The following CALCRL variants were observed in gnomAD, a reference collection of about 807,000 sequenced individuals.
The protein encoded by CALCRL is calcitonin receptor like receptor.
Under a neutral mutation model 60.4 loss-of-function variants are expected in CALCRL, and 27 were observed. The observed-to-expected ratio is 0.45, with a 90% CI of 0.33 to 0.62. The LOEUF (loss-of-function observed/expected upper bound fraction) is 0.62, where lower values mean the gene tolerates loss of function less well. CALCRL is among the 20% of genes least tolerant of loss of function. The pLI, the probability that CALCRL is intolerant of heterozygous loss-of-function variation, is 0.03. For synonymous variants in CALCRL, 190 were observed against 182.6 expected (o/e 1.04, Z -0.33); for missense variants, 424 against 540.7 (o/e 0.78, Z 2.14).
chr2:187,384,860 G>C (rs976452026), intron 4 of CALCRL, among the ~76,000 whole-genome samples: 1 of 151,902 alleles, frequency 6.6e-6, no homozygotes, highest in Non-Finnish European at 1.5e-5. Context: ...TTTATTTTGA[G>C]GTAGAGAAAA....
At chr2:187,351,990 T>C in intron 13 of CALCRL, 29 bp from the exon 14 acceptor site, 7 of 1,586,910 alleles carry the variant, frequency 4.4e-6, no homozygotes, top group Non-Finnish European at 6.0e-6. Flanking sequence ...ATGATCTGAA[T>C]CCAAATGGAA....
At chr2:187,420,375 G>A (rs1311001881) in intron 1 of CALCRL, among the ~76,000 whole-genome samples, 1 of 151,590 alleles carries the variant, frequency 6.6e-6, no homozygotes, top group Non-Finnish European at 1.5e-5. Flanking sequence ...TCAAAGAATA[G>A]GAAAAACATT....
chr2:187,381,845 C>T (rs1405601987), intron 5 of CALCRL, among the ~76,000 whole-genome samples: 3 of 152,206 alleles, frequency 2.0e-5, no homozygotes, highest in East Asian at 3.9e-4. Context: ...AAGGCAATAT[C>T]GGCATTTATC....
intron 5 of CALCRL, 89 bp from the exon 6 acceptor site, chr2:187,380,876 G>T (rs1036011928): frequency 5.7e-6 from 5 of 883,522 alleles, no homozygotes; most frequent in Non-Finnish European, 8.9e-6. Flanking sequence ...CACTGATGTG[G>T]AGTAAAGGCT....
Position 187,360,765 on chromosome 2 carries a change from A to G in CALCRL, c.628-14T>C, listed in dbSNP as rs761438823. ...TTTGCAACTAACCTGTGAGGAAAAAAAAAACCCCAATATTTACTTGTTTAT... is the reference window on the plus strand; with the variant it reads ...TTTGCAACTAACCTGTGAGGAAAAAGAAAACCCCAATATTTACTTGTTTAT... On this transcript the variant is annotated splice_polypyrimidine_tract_variant and intron_variant, in intron 9 of 14. Transcript: ENST00000392370. The G allele has an allele frequency of 1.9e-6, 3 of 1,586,492 alleles. No homozygotes were observed. Among genetic ancestry groups the G allele is most frequent in the African/African-American group, 1.4e-5 (1 of 72,986 alleles).
At chr2:187,447,611 C>A (rs557352868) in intron 1 of CALCRL, among the ~76,000 whole-genome samples, 6 of 151,850 alleles carry the variant, frequency 4.0e-5, no homozygotes, top group African/African-American at 1.4e-4. Context: ...ACTCCGAGAC[C>A]CATTAAGTAG....
At chr2:187,350,096 T>A (rs698590) in intron 14 of CALCRL, among the ~76,000 whole-genome samples, 47,952 of 151,432 alleles carry the variant, frequency 0.32, 7,785 homozygotes, top group Middle Eastern at 0.41. Flanking sequence ...AAAAGTAGCA[T>A]CTTTGGTGAT....
At chr2:187,444,615 G>A (rs1691084080) in intron 1 of CALCRL, among the ~76,000 whole-genome samples, 1 of 151,366 alleles carries the variant, frequency 6.6e-6, no homozygotes, top group Non-Finnish European at 1.5e-5. Context: ...TGTGTTTTAG[G>A]AAAATATTTG....
chr2:187,392,214 C>G (rs969110676), intron 1 of CALCRL, among the ~76,000 whole-genome samples: 3 of 152,086 alleles, frequency 2.0e-5, no homozygotes, highest in African/African-American at 7.2e-5. Context: ...TGTATGTTCA[C>G]TCCAACATTA....
chr2:187,436,751 C>T (rs1411043088), intron 1 of CALCRL: 1 of 152,190 alleles, frequency 6.6e-6, no homozygotes, highest in Non-Finnish European at 1.5e-5. Context: ...TTATGTGATT[C>T]AGCACTGGAT....
rs1686210520 is a variant in CALCRL at position 187,344,741 on chromosome 2, C to A, written c.*1443G>T. 1 of 151,602 alleles carries A rather than the reference C, an allele frequency of 6.6e-6. No homozygotes were observed. The highest frequency in any genetic ancestry group is 2.4e-5 in the African/African-American group (1 of 41,360). The allele number at this position is 151,602 out of a possible 1,614,324, so 9.4% of individuals were successfully genotyped here. A position where few individuals can be genotyped will look rare whatever the true frequency, so the allele number is the denominator to read the frequency against. ...TGTATATGGTATATATAGTATCCTT[C>A]TAGTTTTTTATATTTCTTGAATAGC... On this transcript the variant is annotated 3_prime_UTR_variant, in exon 15 of 15. Transcript: ENST00000392370.
In CALCRL at chr2:187,437,265, G is replaced by A. The variant is rs1000821913; in HGVS notation, c.-293+10774C>T. 6.6e-5 allele frequency among the ~76,000 whole-genome samples: 10 copies of A among 152,148 alleles called. 1 individual carries two copies. Among genetic ancestry groups the A allele is most frequent in the Admixed American group, 6.6e-4 (10 of 15,244 alleles). Reference sequence around the variant, plus strand: ...TTTAAAACTCAGATACATATAGGCCGGGCACTGTGGCTCACGCCTGTAATC... The same window carrying A: ...TTTAAAACTCAGATACATATAGGCCAGGCACTGTGGCTCACGCCTGTAATC... On this transcript the variant is annotated intron_variant, in intron 1 of 14. Coordinates refer to ENST00000392370, the MANE Select transcript of CALCRL (RefSeq NM_005795.6).
intron 5 of CALCRL, 95 bp from the exon 6 acceptor site, chr2:187,380,882 A>G: frequency 1.2e-6 from 1 of 818,306 alleles, no homozygotes; most frequent in Non-Finnish European, 2.0e-6. Context: ...TGTGGAGTAA[A>G]GGCTATCTAC....
chr2:187,432,860 A>G lies in CALCRL; in HGVS notation c.-293+15179T>C, dbSNP rs373553517. Among the ~76,000 whole-genome samples the G allele has an allele frequency of 2.4e-3, 360 of 152,206 alleles. 4 individuals carry two copies. The highest frequency in any genetic ancestry group is 8.3e-3 in the African/African-American group (346 of 41,548). ...TACTTTCTATGTTTTGGTGTGTTTA[A>G]ATACACAAAGACTTACGAGTGTGTT... On this transcript the variant is annotated intron_variant, in intron 1 of 14. Transcript: ENST00000392370.
intron 8 of CALCRL, among the ~76,000 whole-genome samples, chr2:187,370,883 G>T (rs747496099): frequency 1.3e-5 from 2 of 152,188 alleles, no homozygotes; most frequent in Non-Finnish European, 2.9e-5. Flanking sequence ...ACAACATTCA[G>T]TTGGAGAGGG....
intron 1 of CALCRL, among the ~76,000 whole-genome samples, chr2:187,413,076 C>T (rs1169061077): frequency 6.6e-6 from 1 of 151,976 alleles, no homozygotes; most frequent in Non-Finnish European, 1.5e-5. Flanking sequence ...TATCTCTGTA[C>T]GTTTTCAGGG....
Position 187,351,916 on chromosome 2 carries a change from A to G in CALCRL, c.1170+4T>C. ...AATAGAAGGAATAAAATCAATTATC[A>G]TACCTCTCCATTAAAGAAGCAGAAA... On this transcript the variant is annotated splice_donor_region_variant and intron_variant, in intron 14 of 14. Coordinates refer to ENST00000392370, the MANE Select transcript of CALCRL (RefSeq NM_005795.6). 6.5e-7 allele frequency: 1 copy of G among 1,546,066 alleles called. No individual in the cohort carries two copies. The highest frequency in any genetic ancestry group is 8.9e-7 in the Non-Finnish European group (1 of 1,121,834).
chr2:187,383,099 T>C (rs1371742247), intron 5 of CALCRL, 74 bp downstream of exon 5: 5 of 1,436,928 alleles, frequency 3.5e-6, no homozygotes, highest in Non-Finnish European at 4.7e-6. Context: ...CTAAAGCACT[T>C]ATAATGATAT....
At chr2:187,436,119 T>G (rs975275207) in intron 1 of CALCRL, among the ~76,000 whole-genome samples, 2 of 152,194 alleles carry the variant, frequency 1.3e-5, no homozygotes, top group African/African-American at 2.4e-5. Flanking sequence ...TAGTTATTTG[T>G]AAAGACAATC....
Sources: allele counts gnomAD v4.1 joint callset (sites outside exome capture counted in the v4.1 genomes callset), GRCh38; gene constraint gnomAD v4.1.1; transcripts MANE v1.5; gene names NCBI Gene and HGNC (gene_info 2026-07-23, HGNC 2026-07-21).